The following TMEM164 variants were observed in gnomAD, a reference collection of about 807,000 sequenced individuals.
The protein encoded by TMEM164 is RP13-360B22.2.
TMEM164 carries 4 observed loss-of-function variants against 18.8 expected under a neutral mutation model. That is an observed-to-expected ratio of 0.21 (90% confidence interval 0.10 to 0.49). The LOEUF (loss-of-function observed/expected upper bound fraction) is 0.49. Among genes scored for constraint, TMEM164 ranks in the 20% least tolerant of loss-of-function variants. The pLI, the probability that TMEM164 is intolerant of heterozygous loss-of-function variation, is 0.98. For missense variants in TMEM164, 108 were observed against 239.9 expected (o/e 0.45, Z 3.63); for synonymous variants, 86 against 101.7 (o/e 0.85, Z 0.93).
chrX:110,111,369 C>T (rs2066287895), intron 4 of TMEM164, among the ~76,000 whole-genome samples: 1 of 112,791 alleles, frequency 8.9e-6, no homozygotes, highest in African/African-American at 3.2e-5. Flanking sequence ...GAAGTTACTT[C>T]CTGCTTGTGG....
chrX:110,047,707 C>G (rs1935375391), intron 2 of TMEM164, among the ~76,000 whole-genome samples: 1 of 111,900 alleles, frequency 8.9e-6, no homozygotes, highest in Non-Finnish European at 1.9e-5. Context: ...CATTCCCCAA[C>G]AAGTGCTGAA....
chrX:110,024,155 G>A (rs755403641), intron 2 of TMEM164, among the ~76,000 whole-genome samples: 6 of 112,652 alleles, frequency 5.3e-5, no homozygotes, highest in Non-Finnish European at 7.5e-5. Context: ...AGTTCATCAC[G>A]GATGGGTTAG....
At chrX:110,040,015 C>T (rs1330625011) in intron 2 of TMEM164, among the ~76,000 whole-genome samples, 2 of 111,207 alleles carry the variant, frequency 1.8e-5, no homozygotes, top group Admixed American at 9.5e-5. Context: ...AGGATTCTAG[C>T]GAATAGGGGC....
intron 3 of TMEM164, among the ~76,000 whole-genome samples, chrX:110,078,900 G>T (rs2065711540): frequency 8.9e-6 from 1 of 111,775 alleles, no homozygotes; most frequent in African/African-American, 3.3e-5. Context: ...ACAGAAAATG[G>T]AATTAAAGAT....
chrX:110,139,066 A>T (rs981774085), intron 4 of TMEM164, among the ~76,000 whole-genome samples: 1 of 112,785 alleles, frequency 8.9e-6, no homozygotes, highest in African/African-American at 3.2e-5. Context: ...AGGAAAGCAG[A>T]GAAATAGAGG....
At chrX:110,181,536 TA>T (rs1201036977), downstream of TMEM164, among the ~76,000 whole-genome samples, 1 of 112,819 alleles carries the variant, frequency 8.9e-6, no homozygotes, top group Non-Finnish European at 1.9e-5. Context: ...GAAAAGGAGT[TA>T]AAAGTTACTT....
At chrX:110,038,269 G>C (rs1934932952) in intron 2 of TMEM164, among the ~76,000 whole-genome samples, 2 of 111,114 alleles carry the variant, frequency 1.8e-5, no homozygotes, top group African/African-American at 6.6e-5. Flanking sequence ...GGGATTACAG[G>C]CGTGAGCCAC....
intron 5 of TMEM164, among the ~76,000 whole-genome samples, chrX:110,163,175 G>A (rs1032714591): frequency 9.8e-5 from 11 of 111,698 alleles, no homozygotes; most frequent in Non-Finnish European, 2.1e-4. Flanking sequence ...TGGAGGGAGG[G>A]AAGCCTGATA....
rs1170333338 is a variant in TMEM164, at chrX:110,173,588, T to A, written c.*137T>A. The A allele has an allele frequency of 1.9e-6, 1 of 528,635 alleles. No individual in the cohort carries two copies. The highest frequency in any genetic ancestry group is 3.0e-6 in the Non-Finnish European group (1 of 331,064). The allele number at this position is 528,635 out of a possible 1,213,427, so 43.6% of individuals were successfully genotyped here. On this transcript the variant is annotated 3_prime_UTR_variant, in exon 7 of 7. Coordinates refer to ENST00000372068, the MANE Select transcript of TMEM164 (RefSeq NM_032227.4). ...ATTTCTTTTTCCTCCTTTCTGTCCCTTTCTTCTACCACTCTTCCTTTCCCA... is the reference window on the plus strand; with the variant it reads ...ATTTCTTTTTCCTCCTTTCTGTCCCATTCTTCTACCACTCTTCCTTTCCCA...
At chrX:110,038,873 T>C (rs149629577) in intron 2 of TMEM164, among the ~76,000 whole-genome samples, 2,892 of 109,757 alleles carry the variant, frequency 0.026, 46 homozygotes, top group Non-Finnish European at 0.04. Context: ...AGGGGAATTT[T>C]TTTTAAAAAA....
chrX:110,090,700 ACTTT>A (rs981310850), intron 3 of TMEM164, among the ~76,000 whole-genome samples: 6 of 111,409 alleles, frequency 5.4e-5, no homozygotes, highest in Non-Finnish European at 9.4e-5. Context: ...CAGTTGTCCT[ACTTT>A]CTTTATTTTT....
intron 3 of TMEM164, among the ~76,000 whole-genome samples, chrX:110,097,619 TTAGAG>T (rs1342594882): frequency 1.8e-5 from 2 of 112,059 alleles, no homozygotes; most frequent in African/African-American, 3.2e-5. Context: ...GTCAACTACT[TTAGAG>T]TAGAGGTTCC....
At chrX:110,028,093 G>T (rs1934289448) in intron 2 of TMEM164, among the ~76,000 whole-genome samples, 1 of 112,140 alleles carries the variant, frequency 8.9e-6, no homozygotes, top group Non-Finnish European at 1.9e-5. Context: ...TTTTTCTTTA[G>T]TCAGTGTCTT....
At chrX:110,075,609 C>T (rs868784597) in intron 3 of TMEM164, among the ~76,000 whole-genome samples, 2 of 111,159 alleles carry the variant, frequency 1.8e-5, no homozygotes, top group African/African-American at 6.5e-5. Flanking sequence ...TTAGATTACT[C>T]TTATTATTTT....
rs190731634 is a variant in TMEM164 at position 110,149,105 on chromosome X, A to G, written c.586+4229A>G. 4.8e-4 allele frequency among the ~76,000 whole-genome samples: 53 copies of G among 110,168 alleles called. 1 individual carries two copies. The highest frequency in any genetic ancestry group is 1.6e-3 in the African/African-American group (48 of 30,179). ...TGAGTTTTTTTTTTTTAACTAAAAT[A>G]TATACGCTTTCAAGAGAAGCCCCAT... On this transcript the variant is annotated intron_variant, in intron 5 of 6. Coordinates refer to ENST00000372068, the MANE Select transcript of TMEM164 (RefSeq NM_032227.4).
chrX:110,160,973 G>T (rs1052143555), intron 5 of TMEM164, among the ~76,000 whole-genome samples: 1 of 112,348 alleles, frequency 8.9e-6, no homozygotes, highest in African/African-American at 3.2e-5. Context: ...ATCCCGAAGT[G>T]CTGGGATTAC....
chrX:110,148,553 A>G (rs2066891500), intron 5 of TMEM164, among the ~76,000 whole-genome samples: 1 of 109,171 alleles, frequency 9.2e-6, no homozygotes, highest in African/African-American at 3.3e-5. Context: ...TGTATCACCC[A>G]GGCTGGAGTA....
At chrX:110,072,890 G>A (rs1268449397) in intron 3 of TMEM164, among the ~76,000 whole-genome samples, 1 of 108,513 alleles carries the variant, frequency 9.2e-6, no homozygotes, top group Non-Finnish European at 1.9e-5. Context: ...TGTTACAAGG[G>A]TATGTTGCAC....
rs2148147698 is a variant in TMEM164, at chrX:110,176,628, G to A, written c.*3177G>A. 1 of 121,451 alleles carries A rather than the reference G, an allele frequency of 8.2e-6. No homozygotes were observed. The highest frequency in any genetic ancestry group is 1.6e-5 in the Non-Finnish European group (1 of 62,223). The allele number at this position is 121,451 out of a possible 1,213,427, so 10.0% of individuals were successfully genotyped here. A position where few individuals can be genotyped will look rare whatever the true frequency, so the allele number is the denominator to read the frequency against. ...TATTTGTGATCATTGGTAATTCAGT[G>A]TCCTATGAAGTGGGCACAGCTCCCC... is the stretch of plus-strand genomic sequence containing the variant. On this transcript the variant is annotated 3_prime_UTR_variant, in exon 7 of 7. Transcript: ENST00000372068.
Sources: allele counts gnomAD v4.1 joint callset (sites outside exome capture counted in the v4.1 genomes callset), GRCh38; gene constraint gnomAD v4.1.1; transcripts MANE v1.5; gene names NCBI Gene and HGNC (gene_info 2026-07-23, HGNC 2026-07-21).